The following NPAS3 variants were observed in gnomAD, a reference collection of about 807,000 sequenced individuals.
NPAS3 encodes the protein neuronal PAS domain-containing protein 3.
In NPAS3, 14 loss-of-function variants were observed where a neutral mutation model predicts 73.1. The ratio of observed to expected loss-of-function variants is 0.19; its 90% confidence interval spans 0.13 to 0.30. NPAS3 has a LOEUF of 0.30. Among genes scored for constraint, NPAS3 ranks in the 10% least tolerant of loss-of-function variants. The probability of loss-of-function intolerance (pLI) is 1.00; values close to 1 mark genes in which losing one functional copy is unlikely to be tolerated. For missense variants in NPAS3, 1,096 were observed against 1,250.0 expected, an observed-to-expected ratio of 0.88 and a Z score of 1.86; for synonymous variants, 620 against 541.5, an observed-to-expected ratio of 1.14 and a Z score of -2.01.
intron 9 of NPAS3, among the ~76,000 whole-genome samples, chr14:33,782,048 G>A (rs2062993797): frequency 6.6e-6 from 1 of 152,206 alleles, no homozygotes; most frequent in Admixed American, 6.5e-5. Flanking sequence ...TGGTATGTTA[G>A]TGAAACTACA....
chr14:33,689,606 G>A (rs1479124847), intron 6 of NPAS3, among the ~76,000 whole-genome samples: 6 of 152,010 alleles, frequency 3.9e-5, no homozygotes, highest in Admixed American at 6.6e-5. Context: ...AAACACAGAC[G>A]CACAGACATA....
intron 7 of NPAS3, among the ~76,000 whole-genome samples, chr14:33,753,090 G>T (rs896131950): frequency 1.3e-5 from 2 of 152,118 alleles, no homozygotes; most frequent in East Asian, 3.9e-4. Context: ...GTTCATTAGT[G>T]TGCTTCGAGA....
At chr14:33,242,377 T>G (rs1427412039) in intron 3 of NPAS3, among the ~76,000 whole-genome samples, 1 of 152,026 alleles carries the variant, frequency 6.6e-6, no homozygotes, top group Non-Finnish European at 1.5e-5. Context: ...CCTGTCCCGT[T>G]TTTTCCCTTC....
At chr14:33,673,875 G>T (rs10138376) in intron 5 of NPAS3, among the ~76,000 whole-genome samples, 4,649 of 152,322 alleles carry the variant, frequency 0.031, 252 homozygotes, top group African/African-American at 0.11. Context: ...TTGAAGTCAG[G>T]TTATGAGTCC....
intron 2 of NPAS3, among the ~76,000 whole-genome samples, chr14:33,081,321 A>G (rs1266889474): frequency 2.0e-5 from 3 of 152,206 alleles, no homozygotes; most frequent in Admixed American, 6.5e-5. Context: ...CTGTGTAGAC[A>G]TAAGAATTGA....
At chr14:33,079,168 T>G (rs1265165084) in intron 2 of NPAS3, among the ~76,000 whole-genome samples, 1 of 152,160 alleles carries the variant, frequency 6.6e-6, no homozygotes, top group Non-Finnish European at 1.5e-5. Context: ...CATTTTTCAT[T>G]GAAGGGAGAA....
chr14:33,014,069 G>A (rs899220050), intron 1 of NPAS3, among the ~76,000 whole-genome samples: 1 of 152,108 alleles, frequency 6.6e-6, no homozygotes, highest in Admixed American at 6.5e-5. Flanking sequence ...CAGTAGAGTT[G>A]ACCTTACTCC....
At chr14:33,092,254 T>A (rs1173667969) in intron 2 of NPAS3, among the ~76,000 whole-genome samples, 3 of 145,752 alleles carry the variant, frequency 2.1e-5, no homozygotes, top group East Asian at 3.9e-4. Flanking sequence ...CCTTAAGCTG[T>A]TAAGCAACTT....
At chr14:33,517,346 T>C (rs1004736944) in intron 4 of NPAS3, among the ~76,000 whole-genome samples, 2 of 152,098 alleles carry the variant, frequency 1.3e-5, no homozygotes, top group African/African-American at 4.8e-5. Context: ...ACTGTCGAAA[T>C]GTCATGACAT....
chr14:33,123,354 G>A lies in NPAS3; in HGVS notation c.140+67360G>A, dbSNP rs181768510. On this transcript the variant is annotated intron_variant, in intron 2 of 11. Coordinates refer to ENST00000356141, the Ensembl canonical transcript of NPAS3. The stretch of plus-strand genomic sequence containing the variant: ...CCAAGGGAGATGCCACAAGAGCACC[G>A]TGTCAGGGATTTTGTGGATATTGTT... Among the ~76,000 whole-genome samples, 7 of 152,198 alleles carry A rather than the reference G, an allele frequency of 4.6e-5. No individual in the cohort carries two copies. In the East Asian group the frequency reaches 5.8e-4, roughly 13 times the overall value.
chr14:33,378,728 C>T (rs1309411366), intron 4 of NPAS3, among the ~76,000 whole-genome samples: 3 of 152,188 alleles, frequency 2.0e-5, no homozygotes, highest in African/African-American at 7.2e-5. Context: ...CTTCTCTTAG[C>T]ATAGTCAGAA....
At chr14:33,503,495 G>T (rs1027940450) in intron 4 of NPAS3, among the ~76,000 whole-genome samples, 2 of 151,864 alleles carry the variant, frequency 1.3e-5, no homozygotes, top group Non-Finnish European at 2.9e-5. Context: ...TGATACCTTT[G>T]GATTCCACAG....
chr14:33,382,438 A>G (rs1283856569), intron 4 of NPAS3, among the ~76,000 whole-genome samples: 1 of 152,088 alleles, frequency 6.6e-6, no homozygotes, highest in African/African-American at 2.4e-5. Context: ...AGTTTTTTTC[A>G]CTGAGATTGC....
At chr14:33,118,351 A>C (rs549615944) in intron 2 of NPAS3, among the ~76,000 whole-genome samples, 1 of 152,282 alleles carries the variant, frequency 6.6e-6, no homozygotes, top group East Asian at 1.9e-4. Context: ...TAATTGATTT[A>C]ATGACACTAT....
chr14:33,745,002 A>G (rs1195807804), intron 7 of NPAS3, among the ~76,000 whole-genome samples: 1 of 152,102 alleles, frequency 6.6e-6, no homozygotes, highest in Non-Finnish European at 1.5e-5. Context: ...GCACTTTGGG[A>G]GGCTGAGGCA....
chr14:33,078,628 T>C (rs2041757632), intron 2 of NPAS3, among the ~76,000 whole-genome samples: 1 of 151,626 alleles, frequency 6.6e-6, no homozygotes, highest in East Asian at 1.9e-4. Context: ...GATTGAAGAG[T>C]TAGATTTTTA....
intron 3 of NPAS3, among the ~76,000 whole-genome samples, chr14:33,308,248 G>T (rs1251972566): frequency 2.6e-5 from 4 of 151,994 alleles, no homozygotes; most frequent in African/African-American, 7.3e-5. Context: ...GTGCCATACC[G>T]TACATTACTG....
rs12323504 is a variant in NPAS3 at position 33,127,262 on chromosome 14, T to C, written c.140+71268T>C. Among the ~76,000 whole-genome samples the C allele has an allele frequency of 3.2e-3, 483 of 152,290 alleles. 1 individual carries two copies. The highest frequency in any genetic ancestry group is 0.011 in the African/African-American group (455 of 41,572). On this transcript the variant is annotated intron_variant, in intron 2 of 11. Coordinates refer to ENST00000356141, the Ensembl canonical transcript of NPAS3. ...ACCAAGCTTTGCTGTAGTTTTTTCA[T>C]GGACATTTCTTATCTAGTGAAGGAC...
At chr14:33,028,794 G>GATAC (rs1217583902) in intron 1 of NPAS3, among the ~76,000 whole-genome samples, 1 of 151,990 alleles carries the variant, frequency 6.6e-6, no homozygotes, top group Non-Finnish European at 1.5e-5. Flanking sequence ...TGATGGAGGA[G>GATAC]ATACATACAT....
Sources: allele counts gnomAD v4.1 joint callset (sites outside exome capture counted in the v4.1 genomes callset), GRCh38; gene constraint gnomAD v4.1.1; transcripts MANE v1.5; gene names NCBI Gene and HGNC (gene_info 2026-07-23, HGNC 2026-07-21).